Variants in TMEM117 observed in about 807,000 individuals in gnomAD.
The protein encoded by TMEM117 is transmembrane protein 117.
In TMEM117, 27 loss-of-function variants were observed where a neutral mutation model predicts 52.4. The observed-to-expected ratio is 0.51, with a 90% CI of 0.38 to 0.71. The LOEUF (loss-of-function observed/expected upper bound fraction) is 0.71. Ranked by LOEUF, TMEM117 falls within the 30% of genes least tolerant of loss-of-function variation. TMEM117 has a pLI of 0.00. For synonymous variants in TMEM117, 215 were observed against 206.3 expected, an observed-to-expected ratio of 1.04 and a Z score of -0.36; for missense variants, 556 against 630.5, an observed-to-expected ratio of 0.88 and a Z score of 1.26.
chr12:43,905,961 G>C (rs1331110057), intron 2 of TMEM117, among the ~76,000 whole-genome samples: 1 of 151,912 alleles, frequency 6.6e-6, no homozygotes. Context: ...TGTATGTTTT[G>C]GTTATAATAA....
chr12:44,362,436 C>T (rs546927900), intron 6 of TMEM117, among the ~76,000 whole-genome samples: 9 of 152,204 alleles, frequency 5.9e-5, no homozygotes, highest in East Asian at 1.9e-4. Flanking sequence ...AAACTATAAA[C>T]CCCATGAGGA....
At chr12:43,937,937 G>A (rs547142696) in intron 2 of TMEM117, among the ~76,000 whole-genome samples, 87 of 152,150 alleles carry the variant, frequency 5.7e-4, no homozygotes, top group East Asian at 3.1e-3. Flanking sequence ...TTAGGCTCCC[G>A]TGTAATAGAA....
chr12:44,341,771 A>G (rs1284911172), intron 6 of TMEM117, among the ~76,000 whole-genome samples: 4 of 152,162 alleles, frequency 2.6e-5, no homozygotes, highest in South Asian at 2.1e-4. Flanking sequence ...ACGGATAGAA[A>G]CTATAGCAGT....
chr12:44,379,575 T>C (rs774015642), intron 7 of TMEM117, among the ~76,000 whole-genome samples: 1 of 152,210 alleles, frequency 6.6e-6, no homozygotes, highest in Non-Finnish European at 1.5e-5. Flanking sequence ...TTTTGTTAAT[T>C]GGCTGAAGAG....
chr12:44,079,146 C>G (rs1156361380), intron 3 of TMEM117, among the ~76,000 whole-genome samples: 1 of 152,056 alleles, frequency 6.6e-6, no homozygotes, highest in Non-Finnish European at 1.5e-5. Flanking sequence ...CAAGTCTTTG[C>G]TATTGTGAAT....
At chr12:44,289,550 CTTTTT>C (rs60675070) in intron 5 of TMEM117, among the ~76,000 whole-genome samples, 2 of 121,960 alleles carry the variant, frequency 1.6e-5, no homozygotes, top group Non-Finnish European at 1.7e-5. Context: ...TTTCTTTTCT[CTTTTT>C]TTTTTTTTTT....
At chr12:43,927,482 G>T (rs1944798531) in intron 2 of TMEM117, among the ~76,000 whole-genome samples, 1 of 150,798 alleles carries the variant, frequency 6.6e-6, no homozygotes, top group African/African-American at 2.4e-5. Context: ...CTTATTAAAT[G>T]AGAGAGGAAT....
intron 2 of TMEM117, among the ~76,000 whole-genome samples, chr12:43,848,322 G>A (rs913946127): frequency 2.6e-5 from 4 of 151,992 alleles, no homozygotes; most frequent in African/African-American, 9.7e-5. Context: ...TAAGCCTGAG[G>A]GTTCTTCAGG....
At chr12:44,182,015 C>T (rs1820758930) in intron 4 of TMEM117, among the ~76,000 whole-genome samples, 1 of 152,030 alleles carries the variant, frequency 6.6e-6, no homozygotes, top group Non-Finnish European at 1.5e-5. Flanking sequence ...TTGTTTGTAT[C>T]CTCTTTTACT....
intron 6 of TMEM117, among the ~76,000 whole-genome samples, chr12:44,364,070 A>G (rs1263184315): frequency 6.6e-6 from 1 of 152,150 alleles, no homozygotes; most frequent in Non-Finnish European, 1.5e-5. Context: ...ATATTAATTG[A>G]TTTATGCATA....
At chr12:44,099,645 A>G (rs1405643515) in intron 3 of TMEM117, among the ~76,000 whole-genome samples, 2 of 152,176 alleles carry the variant, frequency 1.3e-5, no homozygotes, top group South Asian at 2.1e-4. Context: ...GCCTGAATGC[A>G]TTGGCGAATT....
chr12:44,201,196 C>A (rs1303786590), intron 4 of TMEM117, among the ~76,000 whole-genome samples: 5 of 151,972 alleles, frequency 3.3e-5, no homozygotes, highest in African/African-American at 9.7e-5. Flanking sequence ...GAAGATGAAA[C>A]AAGAGATGGT....
At chr12:44,360,370 A>G (rs1951704282) in intron 6 of TMEM117, among the ~76,000 whole-genome samples, 1 of 151,996 alleles carries the variant, frequency 6.6e-6, no homozygotes, top group Non-Finnish European at 1.5e-5. Flanking sequence ...ACCTGAAGTC[A>G]GGCATTTTAG....
At chr12:44,124,431 A>G (rs1948289032) in intron 3 of TMEM117, among the ~76,000 whole-genome samples, 1 of 152,174 alleles carries the variant, frequency 6.6e-6, no homozygotes, top group African/African-American at 2.4e-5. Flanking sequence ...CAGAACATTC[A>G]ATACTATGTT....
At chr12:44,138,400 A>T (rs894476927) in intron 3 of TMEM117, among the ~76,000 whole-genome samples, 3 of 152,138 alleles carry the variant, frequency 2.0e-5, no homozygotes, top group Admixed American at 6.5e-5. Context: ...GGAGAAATTG[A>T]TGTAATACTA....
At chr12:44,258,004 G>T (rs1300616920) in intron 5 of TMEM117, among the ~76,000 whole-genome samples, 1 of 151,926 alleles carries the variant, frequency 6.6e-6, no homozygotes, top group Non-Finnish European at 1.5e-5. Context: ...GAAACCTGGA[G>T]ATTATTAATA....
Position 44,343,249 on chromosome 12 carries a change from G to A in TMEM117, c.769-33346G>A, listed in dbSNP as rs150443344. The stretch of plus-strand genomic sequence containing the variant: ...ATTATAGGCATGAGCCACCACACCC[G>A]GCCGGAAAAGAGACTTTGCCTAGGG... On this transcript the variant is annotated intron_variant, in intron 6 of 7. Transcript: ENST00000266534. Among the ~76,000 whole-genome samples the A allele has an allele frequency of 1.7e-3, 265 of 152,036 alleles. 1 individual carries two copies. Among genetic ancestry groups the A allele is most frequent in the African/African-American group, 5.0e-3 (208 of 41,486 alleles).
intron 2 of TMEM117, among the ~76,000 whole-genome samples, chr12:43,912,641 A>G (rs1944532559): frequency 6.6e-6 from 1 of 151,394 alleles, no homozygotes; most frequent in Non-Finnish European, 1.5e-5. Context: ...CACTCAGTAA[A>G]TATGTGTTTA....
At chr12:44,346,506 C>T (rs78595753) in intron 6 of TMEM117, among the ~76,000 whole-genome samples, 4,230 of 152,216 alleles carry the variant, frequency 0.028, 96 homozygotes, top group African/African-American at 0.055. Context: ...TTCTTGCACT[C>T]ATTCTCACCC....
Sources: allele counts gnomAD v4.1 joint callset (sites outside exome capture counted in the v4.1 genomes callset), GRCh38; gene constraint gnomAD v4.1.1; transcripts MANE v1.5; gene names NCBI Gene and HGNC (gene_info 2026-07-23, HGNC 2026-07-21).